C17orf107: variants seen among roughly 807,000 people sequenced by gnomAD.
The protein encoded by C17orf107 is chromosome 17 open reading frame 107.
Under a neutral mutation model 8.9 loss-of-function variants are expected in C17orf107, and 9 were observed. The observed-to-expected ratio is 1.02, with a 90% CI of 0.61 to 1.77. The LOEUF (loss-of-function observed/expected upper bound fraction) is 1.77, where lower values mean the gene tolerates loss of function less well. C17orf107 is among the 40% of genes most tolerant of loss of function. C17orf107 has a pLI of 0.00. For synonymous variants in C17orf107, 139 were observed against 120.3 expected (o/e 1.16, Z -1.02); for missense variants, 281 against 249.0 (o/e 1.13, Z -0.86).
downstream of C17orf107, among the ~76,000 whole-genome samples, chr17:4,906,498 C>G (rs753397725): frequency 6.6e-6 from 1 of 152,134 alleles, no homozygotes; most frequent in Non-Finnish European, 1.5e-5. Context: ...GAAAAAAAAT[C>G]TAATAATCTG....
chr17:4,902,332 G>A lies in C17orf107; in HGVS notation c.*1799G>A, dbSNP rs564351576. The A allele has an allele frequency of 6.2e-7, 1 of 1,613,978 alleles. No individual in the cohort carries two copies. The highest frequency in any genetic ancestry group is 1.1e-5 in the South Asian group (1 of 91,084). ...AGTCGGTAATCCTGCCAATCCTAAG[G>A]GGTGGGGGATGGAAGGCCGCGTGCC... On this transcript the variant is annotated 3_prime_UTR_variant, in exon 3 of 3. Transcript: ENST00000381365. This position sits in a 1 kb window ranked among gnomAD's most constrained non-coding sequence, Gnocchi z 4.0.
Position 4,901,174 on chromosome 17 carries a change from G to A in C17orf107, c.*641G>A. The stretch of plus-strand genomic sequence containing the variant: ...GGATCACCCCCGGGCAGAAGTCGAT[G>A]GCCCACTCGCCGTTCTCTGCGGGAC... On this transcript the variant is annotated 3_prime_UTR_variant, in exon 3 of 3. Coordinates refer to ENST00000381365, the MANE Select transcript of C17orf107 (RefSeq NM_001145536.2). The A allele has an allele frequency of 6.2e-7, 1 of 1,605,862 alleles. No individual in the cohort carries two copies. The highest frequency in any genetic ancestry group is 8.5e-7 in the Non-Finnish European group (1 of 1,178,678).
chr17:4,905,481 C>T (rs1970081456), downstream of C17orf107, among the ~76,000 whole-genome samples: 1 of 152,158 alleles, frequency 6.6e-6, no homozygotes, highest in African/African-American at 2.4e-5. Context: ...GGGAGGATTG[C>T]TTGACCCTAA....
Position 4,901,189 on chromosome 17 carries a change from C to G in C17orf107, c.*656C>G. ...AGAAGTCGATGGCCCACTCGCCGTT[C>G]TCTGCGGGACGGGGGCACGGTCAGC... On this transcript the variant is annotated 3_prime_UTR_variant, in exon 3 of 3. Coordinates refer to ENST00000381365, the MANE Select transcript of C17orf107 (RefSeq NM_001145536.2). The G allele has an allele frequency of 6.2e-7, 1 of 1,602,332 alleles. No individual in the cohort carries two copies. Among genetic ancestry groups the G allele is most frequent in the Admixed American group, 1.7e-5 (1 of 59,948 alleles).
Position 4,900,749 on chromosome 17 carries a change from C to G in C17orf107, c.*216C>G, listed in dbSNP as rs1027597321. On this transcript the variant is annotated 3_prime_UTR_variant, in exon 3 of 3. Transcript: ENST00000381365. ...GGTCTCTGGGTTTTGGCCACGCCCC[C>G]ACCCTTCACACTGGCCACACCCCCG... is the stretch of plus-strand genomic sequence containing the variant. The G allele has an allele frequency of 6.3e-7, 1 of 1,577,106 alleles. No homozygotes were observed. Among genetic ancestry groups the G allele is most frequent in the Non-Finnish European group, 8.7e-7 (1 of 1,155,886 alleles).
rs111413308 is a variant in C17orf107, at chr17:4,901,883, G to C, written c.*1350G>C. 23 of 1,215,732 alleles carry C rather than the reference G, an allele frequency of 1.9e-5. No individual in the cohort carries two copies. In the Admixed American group the frequency reaches 2.1e-4, roughly 11 times the overall value. 75.3% of individuals were successfully genotyped at this position (1,215,732 alleles called of 1,614,324 possible). On this transcript the variant is annotated 3_prime_UTR_variant, in exon 3 of 3. Transcript: ENST00000381365. ...CTTCCCGGTTGGCCCCGCCCCATAAGGCCCCCCCCCAACAATAATCGTCCG... is the reference window on the plus strand; with the variant it reads ...CTTCCCGGTTGGCCCCGCCCCATAACGCCCCCCCCCAACAATAATCGTCCG...
In C17orf107 at chr17:4,900,760, C is replaced by G. The variant is rs1969953825; in HGVS notation, c.*227C>G. The stretch of plus-strand genomic sequence containing the variant: ...TTTGGCCACGCCCCCACCCTTCACA[C>G]TGGCCACACCCCCGCGGGGGCTCCG... On this transcript the variant is annotated 3_prime_UTR_variant, in exon 3 of 3. Transcript: ENST00000381365. 1 of 1,595,316 alleles carries G rather than the reference C, an allele frequency of 6.3e-7. No homozygotes were observed. The highest frequency in any genetic ancestry group is 1.3e-5 in the African/African-American group (1 of 74,374).
chr17:4,899,834 G>GCTA lies in C17orf107; in HGVS notation c.66+8_66+10dup. The GCTA allele has an allele frequency of 1.3e-6, 2 of 1,551,200 alleles. No homozygotes were observed. Among genetic ancestry groups the GCTA allele is most frequent in the Non-Finnish European group, 1.7e-6 (2 of 1,146,960 alleles). On this transcript the variant is annotated splice_region_variant and intron_variant, in intron 1 of 2. Coordinates refer to ENST00000381365, the MANE Select transcript of C17orf107 (RefSeq NM_001145536.2). ...ACTTCCACAGCTCCACCGAGGTGAGGCTACGCCCGCCAAGGGCTGCACCTC... is the reference window on the plus strand; with the variant it reads ...ACTTCCACAGCTCCACCGAGGTGAGGCTACTACGCCCGCCAAGGGCTGCACCTC...
Position 4,901,933 on chromosome 17 carries a change from G to A in C17orf107, c.*1400G>A, listed in dbSNP as rs775247070. 6 of 1,498,362 alleles carry A rather than the reference G, an allele frequency of 4.0e-6. No individual in the cohort carries two copies. Among genetic ancestry groups the A allele is most frequent in the African/African-American group, 2.8e-5 (2 of 71,304 alleles). 92.8% of individuals were successfully genotyped at this position (1,498,362 alleles called of 1,614,324 possible). A position where few individuals can be genotyped will look rare whatever the true frequency, so the allele number is the denominator to read the frequency against. On this transcript the variant is annotated 3_prime_UTR_variant, in exon 3 of 3. Coordinates refer to ENST00000381365, the MANE Select transcript of C17orf107 (RefSeq NM_001145536.2). The stretch of plus-strand genomic sequence containing the variant: ...GGGCCTCGGAGTAGCTCTTCCCACC[G>A]GAAAATAAGCGAACAGTTCTGCCAA...
In C17orf107 at chr17:4,901,706, C is replaced by G; in HGVS notation, c.*1173C>G. The G allele has an allele frequency of 1.4e-6, 2 of 1,423,240 alleles. No individual in the cohort carries two copies. Among genetic ancestry groups the G allele is most frequent in the Non-Finnish European group, 9.8e-7 (1 of 1,017,416 alleles). The allele number at this position is 1,423,240 out of a possible 1,614,324, so 88.2% of individuals were successfully genotyped here. On this transcript the variant is annotated 3_prime_UTR_variant, in exon 3 of 3. Transcript: ENST00000381365. ...CAGGCCCAGCCCTGGAAGCTGGGAT[C>G]TAGCGGGGCCGCGATCCCAAGCCCA...
rs1969981918 is a variant in C17orf107 at position 4,901,465 on chromosome 17, G to C, written c.*932G>C. ...GTTGGTCCGGGGCAAGCCCACCGTG[G>C]AAGTCCCCTCTCTGGACCCCGTCTA... is the stretch of plus-strand genomic sequence containing the variant. On this transcript the variant is annotated 3_prime_UTR_variant, in exon 3 of 3. Transcript: ENST00000381365. The C allele has an allele frequency of 3.3e-6, 5 of 1,510,958 alleles. No homozygotes were observed. In the Admixed American group the frequency reaches 5.0e-5, roughly 15 times the overall value. The allele number at this position is 1,510,958 out of a possible 1,614,324, so 93.6% of individuals were successfully genotyped here. A position where few individuals can be genotyped will look rare whatever the true frequency, so the allele number is the denominator to read the frequency against.
In C17orf107 at chr17:4,900,810, G is replaced by A. The variant is rs747224472; in HGVS notation, c.*277G>A. ...GGCTTCACCTGCCCAGGAGCGGCAC[G>A]CTCAGAGAAGTCTCTGGGATTTTCT... is the stretch of plus-strand genomic sequence containing the variant. On this transcript the variant is annotated 3_prime_UTR_variant, in exon 3 of 3. Coordinates refer to ENST00000381365, the MANE Select transcript of C17orf107 (RefSeq NM_001145536.2). 8.1e-6 allele frequency: 13 copies of A among 1,613,830 alleles called. 1 individual carries two copies. Among genetic ancestry groups the A allele is most frequent in the South Asian group, 3.3e-5 (3 of 91,072 alleles).
At chr17:4,904,657 GGCA>G, downstream of C17orf107, among the ~76,000 whole-genome samples, 1 of 152,156 alleles carries the variant, frequency 6.6e-6, no homozygotes, top group Non-Finnish European at 1.5e-5. Context: ...CAAGTAGATT[GGCA>G]ATAATGCATG....
rs1166784800 is a variant in C17orf107, at chr17:4,901,600, C to T, written c.*1067C>T. 2 of 1,614,188 alleles carry T rather than the reference C, an allele frequency of 1.2e-6. No homozygotes were observed. Among genetic ancestry groups the T allele is most frequent in the East Asian group, 2.2e-5 (1 of 44,868 alleles). The stretch of plus-strand genomic sequence containing the variant: ...TTGTCTACGGCAAAAGTGAACTCCA[C>T]CTCTTCGGCATTGTACGTCTGAGAG... On this transcript the variant is annotated 3_prime_UTR_variant, in exon 3 of 3. Coordinates refer to ENST00000381365, the MANE Select transcript of C17orf107 (RefSeq NM_001145536.2).
At position 4,902,091 on chromosome 17, in the gene C17orf107, T is replaced by G; in HGVS notation, c.*1558T>G. 1 of 1,613,936 alleles carries G rather than the reference T, an allele frequency of 6.2e-7. No homozygotes were observed. The highest frequency in any genetic ancestry group is 8.5e-7 in the Non-Finnish European group (1 of 1,179,974). On this transcript the variant is annotated 3_prime_UTR_variant, in exon 3 of 3. Transcript: ENST00000381365. This position sits in a 1 kb window ranked among gnomAD's most constrained non-coding sequence, Gnocchi z 4.0. Reference sequence around the variant, plus strand: ...CACTCCGAACTGGCCATCAATACTGTGGGCTCGGGGAAACCGAGCTTTTTG... The same window carrying G: ...CACTCCGAACTGGCCATCAATACTGGGGGCTCGGGGAAACCGAGCTTTTTG...
chr17:4,904,014 T>C (rs920033155), downstream of C17orf107, among the ~76,000 whole-genome samples: 4 of 151,584 alleles, frequency 2.6e-5, no homozygotes, highest in Admixed American at 6.6e-5. Context: ...CATGCCACCA[T>C]GCCCGGCTAA....
In C17orf107 at chr17:4,901,782, G is replaced by A. The variant is rs916941289; in HGVS notation, c.*1249G>A. 7 of 1,318,890 alleles carry A rather than the reference G, an allele frequency of 5.3e-6. No individual in the cohort carries two copies. The South Asian group carries it at 6.1e-5, about 11-fold the overall frequency. 81.7% of individuals were successfully genotyped at this position (1,318,890 alleles called of 1,614,324 possible). On this transcript the variant is annotated 3_prime_UTR_variant, in exon 3 of 3. Coordinates refer to ENST00000381365, the MANE Select transcript of C17orf107 (RefSeq NM_001145536.2). Reference sequence around the variant, plus strand: ...CGCCTCTGTTCCCATCTGTACCTCCGGCCGCGCTGGAGCGTCCCACCCAGT... The same window carrying A: ...CGCCTCTGTTCCCATCTGTACCTCCAGCCGCGCTGGAGCGTCCCACCCAGT...
Position 4,902,680 on chromosome 17 carries a change from CCCGCACTGGCCGGCTT to C in C17orf107, c.*2150_*2165del. 2 of 1,613,798 alleles carry C rather than the reference CCCGCACTGGCCGGCTT, an allele frequency of 1.2e-6. No homozygotes were observed. The highest frequency in any genetic ancestry group is 1.7e-6 in the Non-Finnish European group (2 of 1,179,930). ...CTGATGGTGACAGTATCCTCAGGCTCCCGCACTGGCCGGCTTCCTGGGTCATAGTTGTTGAAGAGAT... is the reference window on the plus strand; with the variant it reads ...CTGATGGTGACAGTATCCTCAGGCTCCCTGGGTCATAGTTGTTGAAGAGAT... On this transcript the variant is annotated 3_prime_UTR_variant, in exon 3 of 3. Coordinates refer to ENST00000381365, the MANE Select transcript of C17orf107 (RefSeq NM_001145536.2). The surrounding 1 kb of genome is among the most constrained non-coding windows in gnomAD (Gnocchi z 4.0).
At chr17:4,903,674 G>C (rs190883298), downstream of C17orf107, among the ~76,000 whole-genome samples, 4 of 152,176 alleles carry the variant, frequency 2.6e-5, no homozygotes, top group African/African-American at 9.6e-5. Context: ...TCCACAACCT[G>C]ATCGCCAGGT....
Sources: allele counts gnomAD v4.1 joint callset (sites outside exome capture counted in the v4.1 genomes callset), GRCh38; gene constraint gnomAD v4.1.1; non-coding constraint Gnocchi (gnomAD v3.1); transcripts MANE v1.5; gene names NCBI Gene and HGNC (gene_info 2026-07-23, HGNC 2026-07-21).